TSPAN2: variants seen among roughly 807,000 people sequenced by gnomAD.
The protein encoded by TSPAN2 is tetraspanin-2.
TSPAN2 carries 24 observed loss-of-function variants against 33.3 expected under a neutral mutation model. That is an observed-to-expected ratio of 0.72 (90% CI 0.52 to 1.01). The LOEUF is 1.01. Among genes scored for constraint, TSPAN2 ranks in the 50% least tolerant of loss-of-function variants. The pLI, the probability that TSPAN2 is intolerant of heterozygous loss-of-function variation, is 0.00. For synonymous variants in TSPAN2, 114 were observed against 104.5 expected (o/e 1.09, Z -0.56); for missense variants, 278 against 281.3 (o/e 0.99, Z 0.08).
chr1:115,052,661 T>C (rs1647221181), intron 7 of TSPAN2, among the ~76,000 whole-genome samples: 2 of 152,256 alleles, frequency 1.3e-5, no homozygotes, highest in South Asian at 4.1e-4. Flanking sequence ...ACTCTTCTTT[T>C]GTACTTTAGA....
intron 2 of TSPAN2, among the ~76,000 whole-genome samples, chr1:115,063,089 G>A (rs979175747): frequency 6.6e-6 from 1 of 152,136 alleles, no homozygotes. Context: ...GAATGGATGT[G>A]GTAATGTGAG....
At chr1:115,084,767 C>T (rs1648767404) in intron 1 of TSPAN2, among the ~76,000 whole-genome samples, 1 of 151,572 alleles carries the variant, frequency 6.6e-6, no homozygotes, top group Non-Finnish European at 1.5e-5. Context: ...GGAAGGTGAC[C>T]TCTATGAGAT....
At chr1:115,075,403 G>T (rs936244247) in intron 1 of TSPAN2, among the ~76,000 whole-genome samples, 1 of 152,270 alleles carries the variant, frequency 6.6e-6, no homozygotes, top group African/African-American at 2.4e-5. Flanking sequence ...TGTGGGTAAG[G>T]ACCCGGCCAG....
At chr1:115,089,307 C>T (rs1557887639) in intron 1 of TSPAN2, 57 bp downstream of exon 1, 1 of 1,394,728 alleles carries the variant, frequency 7.2e-7, no homozygotes, top group Admixed American at 2.2e-5. Context: ...GGACCCCGGC[C>T]CCGCGCCCGC....
At chr1:115,079,037 C>T (rs1303408685) in intron 1 of TSPAN2, among the ~76,000 whole-genome samples, 3 of 151,704 alleles carry the variant, frequency 2.0e-5, no homozygotes, top group South Asian at 4.2e-4. Flanking sequence ...TGTTGTGTAC[C>T]ATCCACGGAT....
chr1:115,078,355 G>A (rs753682448), intron 1 of TSPAN2, among the ~76,000 whole-genome samples: 1 of 152,126 alleles, frequency 6.6e-6, no homozygotes, highest in Non-Finnish European at 1.5e-5. Context: ...TGCAGAGTGG[G>A]CTCCCAATAG....
At chr1:115,057,484 T>C in intron 6 of TSPAN2, 53 bp downstream of exon 6, 7 of 1,553,294 alleles carry the variant, frequency 4.5e-6, no homozygotes, top group Non-Finnish European at 6.2e-6. Flanking sequence ...AATGGCTTCC[T>C]AAGCTAGCAG....
At chr1:115,084,087 A>G (rs1022179820) in intron 1 of TSPAN2, among the ~76,000 whole-genome samples, 8 of 152,194 alleles carry the variant, frequency 5.3e-5, no homozygotes, top group Non-Finnish European at 1.5e-5. Context: ...AGCTGGATGT[A>G]AAACACCTGC....
chr1:115,051,666 T>C (rs189711616), intron 7 of TSPAN2, among the ~76,000 whole-genome samples: 1 of 152,316 alleles, frequency 6.6e-6, no homozygotes, highest in Admixed American at 6.5e-5. Context: ...AATTCCATCC[T>C]AAGTCAGACT....
chr1:115,075,401 A>G lies in TSPAN2; in HGVS notation c.70-2394T>C, dbSNP rs536917835. On this transcript the variant is annotated intron_variant, in intron 1 of 7. Coordinates refer to ENST00000369516, the MANE Select transcript of TSPAN2 (RefSeq NM_005725.6). ...GGCTGTGTCAGGGATGCTGTGGGTAAGGACCCGGCCAGGGTTGATGCTGCT... is the reference window on the plus strand; with the variant it reads ...GGCTGTGTCAGGGATGCTGTGGGTAGGGACCCGGCCAGGGTTGATGCTGCT... Among the ~76,000 whole-genome samples, 8 of 152,266 alleles carry G rather than the reference A, an allele frequency of 5.3e-5. No individual in the cohort carries two copies. In the South Asian group the frequency reaches 1.7e-3, roughly 32 times the overall value.
At chr1:115,082,480 G>T (rs1217853225) in intron 1 of TSPAN2, among the ~76,000 whole-genome samples, 3 of 152,202 alleles carry the variant, frequency 2.0e-5, no homozygotes, top group African/African-American at 7.2e-5. Flanking sequence ...GATTAAATTA[G>T]TTAATAAATG....
chr1:115,070,005 G>C (rs1648102649), intron 2 of TSPAN2, among the ~76,000 whole-genome samples: 1 of 152,216 alleles, frequency 6.6e-6, no homozygotes, highest in Admixed American at 6.5e-5. Context: ...ATGTGGAACT[G>C]ACATCTAGAG....
chr1:115,067,412 C>T (rs1187471481), intron 2 of TSPAN2, among the ~76,000 whole-genome samples: 1 of 152,214 alleles, frequency 6.6e-6, no homozygotes, highest in African/African-American at 2.4e-5. Flanking sequence ...TCCTACCCTT[C>T]AGTTTCGTTA....
rs540585166 is a variant in TSPAN2 at position 115,085,194 on chromosome 1, C to T, written c.69+4170G>A. Among the ~76,000 whole-genome samples, 7 of 152,298 alleles carry T rather than the reference C, an allele frequency of 4.6e-5. No homozygotes were observed. In the East Asian group the frequency reaches 1.3e-3, roughly 29 times the overall value. ...ATCTGATCGCAGGTCTGAATTTAGA[C>T]ATGACAGATGTTGGGAGGGGTTTCA... On this transcript the variant is annotated intron_variant, in intron 1 of 7. Coordinates refer to ENST00000369516, the MANE Select transcript of TSPAN2 (RefSeq NM_005725.6).
intron 1 of TSPAN2, among the ~76,000 whole-genome samples, chr1:115,075,980 A>G (rs1270382302): frequency 6.6e-6 from 1 of 152,086 alleles, no homozygotes; most frequent in Non-Finnish European, 1.5e-5. Context: ...AGTGTCAGGG[A>G]AACGATGATG....
At chr1:115,060,942 G>A (rs1185352724) in intron 3 of TSPAN2, among the ~76,000 whole-genome samples, 1 of 152,192 alleles carries the variant, frequency 6.6e-6, no homozygotes, top group Non-Finnish European at 1.5e-5. Context: ...ATAAGGTCAG[G>A]AGAGGGAGCA....
chr1:115,088,624 C>A (rs1648931959), intron 1 of TSPAN2, among the ~76,000 whole-genome samples: 3 of 152,184 alleles, frequency 2.0e-5, no homozygotes, highest in South Asian at 4.1e-4. Context: ...TCAGTTCAAT[C>A]AAACCCTGCA....
rs571258631 is a variant in TSPAN2 at position 115,076,524 on chromosome 1, C to G, written c.70-3517G>C. Among the ~76,000 whole-genome samples, 6 of 152,178 alleles carry G rather than the reference C, an allele frequency of 3.9e-5. No individual in the cohort carries two copies. In the East Asian group the frequency reaches 1.2e-3, roughly 29 times the overall value. The stretch of plus-strand genomic sequence containing the variant: ...AGGGACAGGACACCAGGGGAGTGGA[C>G]GTGGAGAGCTGTGAGAACTACGAAC... On this transcript the variant is annotated intron_variant, in intron 1 of 7. Coordinates refer to ENST00000369516, the MANE Select transcript of TSPAN2 (RefSeq NM_005725.6).
intron 2 of TSPAN2, among the ~76,000 whole-genome samples, chr1:115,071,493 G>A (rs1385551846): frequency 1.3e-5 from 2 of 152,292 alleles, no homozygotes; most frequent in East Asian, 3.9e-4. Context: ...AGCTCTGAAC[G>A]AATTCTGGAA....
Sources: allele counts gnomAD v4.1 joint callset (sites outside exome capture counted in the v4.1 genomes callset), GRCh38; gene constraint gnomAD v4.1.1; transcripts MANE v1.5; gene names NCBI Gene and HGNC (gene_info 2026-07-23, HGNC 2026-07-21).